The following NBEA variants were observed in gnomAD, a reference collection of about 807,000 sequenced individuals.
The protein encoded by NBEA is lysosomal-trafficking regulator 2.
In NBEA, 44 loss-of-function variants were observed where a neutral mutation model predicts 343.4. The observed-to-expected ratio is 0.13, with a 90% confidence interval of 0.10 to 0.16. The LOEUF (loss-of-function observed/expected upper bound fraction) is 0.16. Among genes scored for constraint, NBEA ranks in the 10% least tolerant of loss-of-function variants. NBEA has a pLI of 1.00. For missense variants in NBEA, 2,555 were observed against 3,631.3 expected (o/e 0.70, Z 7.62); for synonymous variants, 1,175 against 1,238.7 (o/e 0.95, Z 1.08).
At chr13:35,339,556 A>G (rs1030550936) in intron 36 of NBEA, among the ~76,000 whole-genome samples, 32 of 152,112 alleles carry the variant, frequency 2.1e-4, no homozygotes, top group African/African-American at 7.5e-4. Flanking sequence ...CATTGCTATA[A>G]AGAAATACCT....
intron 38 of NBEA, among the ~76,000 whole-genome samples, chr13:35,412,998 A>C (rs1261497681): frequency 6.6e-6 from 1 of 152,146 alleles, no homozygotes; most frequent in Non-Finnish European, 1.5e-5. Context: ...AATATTTAGA[A>C]AGGTACCTAA....
At chr13:35,400,538 TTGAGAGAAAAAG>T (rs1454023354) in intron 38 of NBEA, among the ~76,000 whole-genome samples, 1 of 151,958 alleles carries the variant, frequency 6.6e-6, no homozygotes, top group African/African-American at 2.4e-5. Flanking sequence ...TACCACAACC[TTGAGAGAAAAAG>T]TGAGAGGAAA....
At chr13:35,400,989 C>G (rs1016094964) in intron 38 of NBEA, among the ~76,000 whole-genome samples, 6 of 151,966 alleles carry the variant, frequency 3.9e-5, no homozygotes, top group Non-Finnish European at 7.4e-5. Flanking sequence ...CTAACATCAT[C>G]TGTCTCTTTT....
intron 40 of NBEA, among the ~76,000 whole-genome samples, chr13:35,471,341 C>G (rs993921905): frequency 1.3e-5 from 2 of 152,184 alleles, no homozygotes; most frequent in Non-Finnish European, 2.9e-5. Flanking sequence ...GCCTAGCGGC[C>G]GCGGGGAACC....
chr13:35,139,427 C>T lies in NBEA; in HGVS notation c.2337-2842C>T, dbSNP rs530575477. On this transcript the variant is annotated intron_variant, in intron 17 of 58. Coordinates refer to ENST00000379939, the MANE Select transcript of NBEA (RefSeq NM_001385012.1). The stretch of plus-strand genomic sequence containing the variant: ...TGAAGAAAGAAATTTAAATACATTT[C>T]AGTGGAATGTATAGTAAGCTAATAC... Among the ~76,000 whole-genome samples, 5 of 152,134 alleles carry T rather than the reference C, an allele frequency of 3.3e-5. No individual in the cohort carries two copies. The East Asian group carries it at 9.7e-4, about 29-fold the overall frequency.
intron 36 of NBEA, among the ~76,000 whole-genome samples, chr13:35,327,726 A>T (rs1594232479): frequency 6.6e-6 from 1 of 151,966 alleles, no homozygotes; most frequent in Non-Finnish European, 1.5e-5. Context: ...CCTCAACATC[A>T]TGCAATATAC....
At chr13:35,437,015 ATC>A (rs1252984005) in intron 39 of NBEA, among the ~76,000 whole-genome samples, 1 of 152,210 alleles carries the variant, frequency 6.6e-6, no homozygotes, top group East Asian at 1.9e-4. Context: ...ATTTCGTCTT[ATC>A]TATTAATGTA....
intron 40 of NBEA, among the ~76,000 whole-genome samples, chr13:35,461,820 TG>T (rs2046921865): frequency 6.6e-6 from 1 of 152,262 alleles, no homozygotes; most frequent in African/African-American, 2.4e-5. Flanking sequence ...GAAAATATTT[TG>T]TTTAATTAGT....
chr13:35,438,278 G>C (rs1290218951), intron 39 of NBEA, among the ~76,000 whole-genome samples: 1 of 152,146 alleles, frequency 6.6e-6, no homozygotes, highest in Non-Finnish European at 1.5e-5. Flanking sequence ...ATCAAGTTAT[G>C]ACCTTGATGA....
intron 39 of NBEA, among the ~76,000 whole-genome samples, chr13:35,443,516 C>T (rs2045850051): frequency 6.6e-6 from 1 of 151,904 alleles, no homozygotes; most frequent in African/African-American, 2.4e-5. Context: ...CTCATTCAAA[C>T]TAAAATATCC....
At chr13:35,177,715 C>A (rs764755234) in intron 28 of NBEA, among the ~76,000 whole-genome samples, 4 of 151,742 alleles carry the variant, frequency 2.6e-5, no homozygotes, top group African/African-American at 9.7e-5. Context: ...TGTTTCACAT[C>A]AGATTCAATG....
At chr13:35,432,538 C>A in intron 39 of NBEA, 145 bp downstream of exon 39, 1 of 698,304 alleles carries the variant, frequency 1.4e-6, no homozygotes, top group Non-Finnish European at 2.1e-6. Flanking sequence ...TATCCTTCAG[C>A]ATCATTTAGG....
At chr13:35,079,066 A>G (rs1461536912) in intron 10 of NBEA, among the ~76,000 whole-genome samples, 3 of 152,146 alleles carry the variant, frequency 2.0e-5, no homozygotes, top group Non-Finnish European at 4.4e-5. Context: ...GGAATTCAGA[A>G]GAAAATTTTG....
At chr13:35,545,517 A>G (rs2079024745) in intron 41 of NBEA, among the ~76,000 whole-genome samples, 1 of 152,182 alleles carries the variant, frequency 6.6e-6, no homozygotes, top group Non-Finnish European at 1.5e-5. Flanking sequence ...TATCTTAACA[A>G]TTCATTCATA....
At chr13:35,022,086 T>A (rs766256665) in intron 1 of NBEA, among the ~76,000 whole-genome samples, 1 of 152,136 alleles carries the variant, frequency 6.6e-6, no homozygotes, top group African/African-American at 2.4e-5. Context: ...GATTTTTACT[T>A]GTTAGACTAA....
chr13:35,068,715 A>T (rs1466016387), intron 8 of NBEA, among the ~76,000 whole-genome samples: 3 of 152,232 alleles, frequency 2.0e-5, no homozygotes, highest in Admixed American at 2.0e-4. Flanking sequence ...CTAGTCCAGA[A>T]GTAAAAACTG....
chr13:34,999,679 A>G (rs2061058966), intron 1 of NBEA, among the ~76,000 whole-genome samples: 1 of 151,936 alleles, frequency 6.6e-6, no homozygotes, highest in Admixed American at 6.6e-5. Flanking sequence ...TTTTTGACTC[A>G]GCCTTATGGG....
At chr13:35,405,144 ATAT>A (rs1303709162) in intron 38 of NBEA, among the ~76,000 whole-genome samples, 5 of 152,186 alleles carry the variant, frequency 3.3e-5, no homozygotes, top group Admixed American at 3.3e-4. Context: ...TTTTGAAAAC[ATAT>A]TGTTGTAGAA....
intron 38 of NBEA, among the ~76,000 whole-genome samples, chr13:35,414,208 TTAA>T (rs2043757938): frequency 6.6e-6 from 1 of 150,984 alleles, no homozygotes; most frequent in Non-Finnish European, 1.5e-5. Flanking sequence ...TTACAAATTA[TTAA>T]TAATAGTCAC....
Sources: gnomAD v4.1 joint callset for allele counts (sites outside exome capture counted in the v4.1 genomes callset) on GRCh38, gnomAD v4.1.1 for gene constraint, MANE v1.5 for transcripts, NCBI Gene and HGNC (gene_info 2026-07-23, HGNC 2026-07-21) for gene names.